MYO16: variants seen among roughly 807,000 people sequenced by gnomAD.
The protein encoded by MYO16 is unconventional myosin-XVI.
A neutral mutation model predicts 205.3 loss-of-function variants in MYO16; 94 were observed. The ratio of observed to expected loss-of-function variants is 0.46; its 90% CI spans 0.39 to 0.54. The LOEUF is 0.54. MYO16 is among the 20% of genes least tolerant of loss of function. The pLI, the probability that MYO16 is intolerant of heterozygous loss-of-function variation, is 0.00. For missense variants in MYO16, 2,315 were observed against 2,387.5 expected, an observed-to-expected ratio of 0.97 and a Z score of 0.63; for synonymous variants, 988 against 954.0, an observed-to-expected ratio of 1.04 and a Z score of -0.66.
intron 9 of MYO16, among the ~76,000 whole-genome samples, chr13:108,832,795 AT>A (rs544986956): frequency 1.3e-3 from 201 of 152,208 alleles, no homozygotes; most frequent in African/African-American, 4.7e-3. Context: ...TGTATGTGTA[AT>A]TTTTTTATTT....
chr13:108,557,444 TACAC>T, the MYO16 span, among the ~76,000 whole-genome samples: 20 of 152,184 alleles, frequency 1.3e-4, 1 homozygote, highest in South Asian at 4.1e-4. Context: ...CATGTAAACA[TACAC>T]ATACTTGTAA....
chr13:108,960,880 C>T (rs1031718568), intron 17 of MYO16, among the ~76,000 whole-genome samples: 3 of 152,202 alleles, frequency 2.0e-5, no homozygotes, highest in African/African-American at 7.2e-5. Flanking sequence ...TTTCAGCATT[C>T]TCTTACTTCC....
intron 2 of MYO16, among the ~76,000 whole-genome samples, chr13:108,692,335 G>A (rs1274605002): frequency 6.6e-6 from 1 of 152,188 alleles, no homozygotes; most frequent in Non-Finnish European, 1.5e-5. Flanking sequence ...GTATAACCTA[G>A]CTGGTTCACA....
intron 16 of MYO16, among the ~76,000 whole-genome samples, chr13:108,918,269 A>G (rs931916368): frequency 1.3e-5 from 2 of 152,236 alleles, no homozygotes; most frequent in Non-Finnish European, 2.9e-5. Flanking sequence ...ACCAAATACA[A>G]CGTCATTAAG....
intron 28 of MYO16, among the ~76,000 whole-genome samples, chr13:109,107,611 A>G (rs1779624590): frequency 6.6e-6 from 1 of 152,022 alleles, no homozygotes; most frequent in African/African-American, 2.4e-5. Flanking sequence ...TTAATGGTTT[A>G]TAACCTTTGT....
chr13:108,581,994 G>A, the MYO16 span, among the ~76,000 whole-genome samples: 1 of 151,776 alleles, frequency 6.6e-6, no homozygotes, highest in East Asian at 1.9e-4. Flanking sequence ...TGTGTTTATT[G>A]AGCTAATGTA....
chr13:109,195,046 CA>C (rs376878418), intron 34 of MYO16, among the ~76,000 whole-genome samples: 6,153 of 139,408 alleles, frequency 0.044, 164 homozygotes, highest in South Asian at 0.077. Flanking sequence ...CTGCCAAATG[CA>C]AAAAAAAAAG....
intron 1 of MYO16, among the ~76,000 whole-genome samples, chr13:108,619,982 GA>G (rs1157667142): frequency 5.3e-5 from 8 of 152,144 alleles, no homozygotes; most frequent in African/African-American, 1.9e-4. Context: ...GCCCCATGAT[GA>G]AAGGTATGGT....
intron 9 of MYO16, among the ~76,000 whole-genome samples, chr13:108,838,580 A>C (rs1267253990): frequency 1.3e-5 from 2 of 151,066 alleles, no homozygotes; most frequent in African/African-American, 2.4e-5. Context: ...AGGCAGGAGA[A>C]TCACTTGAAC....
At chr13:108,762,101 G>T (rs578105271) in intron 4 of MYO16, among the ~76,000 whole-genome samples, 23 of 152,146 alleles carry the variant, frequency 1.5e-4, no homozygotes, top group Non-Finnish European at 2.8e-4. Context: ...TGTGGTTTTT[G>T]ACTTTGTTTC....
intron 2 of MYO16, among the ~76,000 whole-genome samples, chr13:108,667,315 G>GTTTTTTTTTTTTTTTTTTTTT (rs1186561491): frequency 8.5e-6 from 1 of 118,294 alleles, no homozygotes; most frequent in Non-Finnish European, 1.7e-5. Flanking sequence ...GAGAATTTCT[G>GTTTTTTTTTTTTTTTTTTTTT]TTTTGTTTTT....
chr13:108,738,273 G>A (rs1224917979), intron 4 of MYO16, among the ~76,000 whole-genome samples: 1 of 152,096 alleles, frequency 6.6e-6, no homozygotes, highest in Non-Finnish European at 1.5e-5. Flanking sequence ...TGGGCATTTA[G>A]TGCTATAAAT....
intron 3 of MYO16, among the ~76,000 whole-genome samples, chr13:108,720,410 AC>A (rs1486562987): frequency 1.3e-5 from 2 of 152,212 alleles, no homozygotes; most frequent in African/African-American, 4.8e-5. Flanking sequence ...TTTGTCCGCT[AC>A]TTTTCTTCTC....
At chr13:109,148,880 G>A (rs116776124) in intron 32 of MYO16, among the ~76,000 whole-genome samples, 1 of 152,162 alleles carries the variant, frequency 6.6e-6, no homozygotes, top group Non-Finnish European at 1.5e-5. Context: ...GAGCTCTCTA[G>A]GTGCAGAAGT....
the MYO16 span, among the ~76,000 whole-genome samples, chr13:108,543,476 C>G: frequency 6.6e-6 from 1 of 151,312 alleles, no homozygotes; most frequent in South Asian, 2.1e-4. Flanking sequence ...AACCCCGTCT[C>G]TACAAAAAAT....
rs116405175 is a variant in MYO16, at chr13:109,171,824, G to A, written c.5323+6765G>A. Among the ~76,000 whole-genome samples the A allele has an allele frequency of 3.7e-3, 565 of 152,238 alleles. 4 individuals are homozygous for A. Among genetic ancestry groups the A allele is most frequent in the African/African-American group, 0.013 (529 of 41,544 alleles). Reference sequence around the variant, plus strand: ...TACACATAATATGGCTGGGTATCAGGAAAAATTGCAATTAAAGAATACAGA... The same window carrying A: ...TACACATAATATGGCTGGGTATCAGAAAAAATTGCAATTAAAGAATACAGA... On this transcript the variant is annotated intron_variant, in intron 33 of 34. Coordinates refer to ENST00000457511, the MANE Select transcript of MYO16 (RefSeq NM_001198950.3).
intron 32 of MYO16, among the ~76,000 whole-genome samples, chr13:109,151,444 T>C (rs2139835457): frequency 6.6e-6 from 1 of 152,336 alleles, no homozygotes; most frequent in East Asian, 1.9e-4. Context: ...TTCTAAACTA[T>C]GCAGAGCCCA....
At chr13:109,099,823 T>C (rs755277491) in intron 27 of MYO16, among the ~76,000 whole-genome samples, 2 of 152,162 alleles carry the variant, frequency 1.3e-5, no homozygotes, top group Non-Finnish European at 2.9e-5. Context: ...AAACACTCCC[T>C]CCCTTAATTG....
chr13:109,177,162 A>T (rs940764373), intron 33 of MYO16, among the ~76,000 whole-genome samples: 1 of 151,966 alleles, frequency 6.6e-6, no homozygotes, highest in African/African-American at 2.4e-5. Flanking sequence ...TAGCAACACC[A>T]CCATGAAGTT....
Sources: allele counts gnomAD v4.1 joint callset (sites outside exome capture counted in the v4.1 genomes callset), GRCh38; gene constraint gnomAD v4.1.1; transcripts MANE v1.5; gene names NCBI Gene and HGNC (gene_info 2026-07-23, HGNC 2026-07-21).